DOCK1: variants seen among roughly 807,000 people sequenced by gnomAD.
DOCK1 encodes the protein dedicator of cytokinesis protein 1.
A neutral mutation model predicts 262.7 loss-of-function variants in DOCK1; 138 were observed. The observed-to-expected ratio is 0.53, with a 90% confidence interval of 0.46 to 0.61. The LOEUF (loss-of-function observed/expected upper bound fraction) is 0.61, where lower values mean the gene tolerates loss of function less well. Among genes scored for constraint, DOCK1 ranks in the 20% least tolerant of loss-of-function variants. The pLI is 0.00. For synonymous variants in DOCK1, 866 were observed against 867.4 expected (o/e 1.00, Z 0.03); for missense variants, 1,908 against 2,370.7 (o/e 0.80, Z 4.05).
rs561088265 is a variant in DOCK1 at position 127,012,763 on chromosome 10, T to G, written c.1201+389T>G. 2.4e-4 allele frequency among the ~76,000 whole-genome samples: 36 copies of G among 152,044 alleles called. No individual in the cohort carries two copies. The highest frequency in any genetic ancestry group is 4.6e-4 in the Non-Finnish European group (31 of 67,942). ...GACTTGCTCCCCTGAGTTCTGTCAT[T>G]TAAGTGATTTCTCCGCCCCTACACT... is the stretch of plus-strand genomic sequence containing the variant. On this transcript the variant is annotated intron_variant, in intron 12 of 51. Transcript: ENST00000623213. This position sits in a 1 kb window ranked among gnomAD's most constrained non-coding sequence, Gnocchi z 4.0.
chr10:127,064,257 G>A (rs961823178), intron 23 of DOCK1, among the ~76,000 whole-genome samples: 1 of 152,104 alleles, frequency 6.6e-6, no homozygotes, highest in Admixed American at 6.5e-5. Flanking sequence ...ACAGGCACCC[G>A]CCAGCATGCC....
intron 26 of DOCK1, among the ~76,000 whole-genome samples, chr10:127,127,388 A>G (rs369368855): frequency 1.2e-4 from 18 of 152,346 alleles, no homozygotes; most frequent in African/African-American, 4.1e-4. Flanking sequence ...GGGATCATAA[A>G]CATTATATTG....
At chr10:127,185,111 T>G (rs2056107009) in intron 27 of DOCK1, among the ~76,000 whole-genome samples, 1 of 152,212 alleles carries the variant, frequency 6.6e-6, no homozygotes, top group African/African-American at 2.4e-5. Context: ...GCCTGAAGGA[T>G]GCTCACTTTG....
chr10:127,435,431 C>T (rs986707682), intron 48 of DOCK1, among the ~76,000 whole-genome samples: 1 of 152,118 alleles, frequency 6.6e-6, no homozygotes, highest in Non-Finnish European at 1.5e-5. Context: ...TGCAAACTAT[C>T]CCCATATTTT....
rs146804585 is a variant in DOCK1, at chr10:127,446,348, G to A, written c.5414-1046G>A. Among the ~76,000 whole-genome samples the A allele has an allele frequency of 1.0e-3, 153 of 152,174 alleles. 2 individuals carry two copies. The highest frequency in any genetic ancestry group is 3.6e-3 in the African/African-American group (148 of 41,508). On this transcript the variant is annotated intron_variant, in intron 50 of 51. Coordinates refer to ENST00000623213, the MANE Select transcript of DOCK1 (RefSeq NM_001290223.2). The surrounding 1 kb of genome is among the most constrained non-coding windows in gnomAD (Gnocchi z 4.4). The stretch of plus-strand genomic sequence containing the variant: ...TACTGTTTAATGGGTACAGAATTCC[G>A]TTTGGGGTGATGGAAATGTTTCAGA...
intron 44 of DOCK1, among the ~76,000 whole-genome samples, chr10:127,416,550 A>T (rs1035233550): frequency 6.6e-6 from 1 of 152,152 alleles, no homozygotes; most frequent in Non-Finnish European, 1.5e-5. Context: ...GCCATTTTGA[A>T]CAGACTAAGA....
At chr10:127,358,587 T>C (rs1409738780) in intron 32 of DOCK1, among the ~76,000 whole-genome samples, 3 of 152,186 alleles carry the variant, frequency 2.0e-5, no homozygotes, top group Admixed American at 6.5e-5. Flanking sequence ...ACGAATGTGC[T>C]TGGAGCAAGA....
At position 127,207,464 on chromosome 10, in the gene DOCK1, A is replaced by G. The variant is rs141388268; in HGVS notation, c.2848-40544A>G. ...TTGGCCTTGTTTAACTTGTACCTGA[A>G]TGTACCAATAACACTTTTGGAAGAC... On this transcript the variant is annotated intron_variant, in intron 27 of 51. Transcript: ENST00000623213. Among the ~76,000 whole-genome samples, 1,503 of 152,316 alleles carry G rather than the reference A, an allele frequency of 9.9e-3. 18 individuals are homozygous for G. Among genetic ancestry groups the G allele is most frequent in the African/African-American group, 0.025 (1,041 of 41,562 alleles).
chr10:127,280,347 A>G (rs1256102912), intron 29 of DOCK1, among the ~76,000 whole-genome samples: 6 of 152,006 alleles, frequency 3.9e-5, no homozygotes, highest in South Asian at 2.1e-4. Context: ...ATATATTTTT[A>G]TGTTGTAAAA....
At chr10:127,003,909 G>C (rs2135198855) in intron 10 of DOCK1, among the ~76,000 whole-genome samples, 1 of 150,686 alleles carries the variant, frequency 6.6e-6, no homozygotes, top group Middle Eastern at 3.6e-3. Flanking sequence ...AGCTAAGATT[G>C]TGTCACTGCG....
chr10:127,051,310 A>G (rs187705436), intron 21 of DOCK1, among the ~76,000 whole-genome samples: 1 of 152,084 alleles, frequency 6.6e-6, no homozygotes. Flanking sequence ...TAAAATCTTC[A>G]TGTGTCCACT....
chr10:127,422,842 G>A (rs987959039), intron 46 of DOCK1, among the ~76,000 whole-genome samples: 51 of 152,258 alleles, frequency 3.3e-4, no homozygotes, highest in African/African-American at 1.2e-3. Context: ...AGTTTGGTCT[G>A]CAAAAGTTCT....
chr10:126,934,397 A>T (rs2034404311), intron 1 of DOCK1, among the ~76,000 whole-genome samples: 1 of 152,214 alleles, frequency 6.6e-6, no homozygotes, highest in African/African-American at 2.4e-5. Context: ...CCCCGACACC[A>T]CTGGGGCTCT....
chr10:127,226,822 A>G (rs977305431), intron 27 of DOCK1, among the ~76,000 whole-genome samples: 4 of 152,078 alleles, frequency 2.6e-5, no homozygotes, highest in Admixed American at 6.5e-5. Context: ...TGATTACACA[A>G]TACTTCTACC....
chr10:127,339,805 C>T (rs1455279075), intron 30 of DOCK1, among the ~76,000 whole-genome samples: 1 of 148,762 alleles, frequency 6.7e-6, no homozygotes, highest in African/African-American at 2.5e-5. Flanking sequence ...GCTCTCACTT[C>T]CATTGTACTC....
chr10:127,430,866 C>T (rs1010835047), intron 47 of DOCK1, among the ~76,000 whole-genome samples: 7 of 152,152 alleles, frequency 4.6e-5, no homozygotes, highest in Non-Finnish European at 8.8e-5. Flanking sequence ...CGTTACAGCT[C>T]AGCCGGGAGA....
intron 13 of DOCK1, among the ~76,000 whole-genome samples, chr10:127,020,836 C>A (rs932929509): frequency 2.0e-5 from 3 of 152,094 alleles, no homozygotes; most frequent in African/African-American, 7.2e-5. Context: ...TGTGTATCAC[C>A]CGGTTTTGTC....
intron 1 of DOCK1, among the ~76,000 whole-genome samples, chr10:126,960,314 G>A (rs2037096224): frequency 6.6e-6 from 1 of 152,016 alleles, no homozygotes; most frequent in South Asian, 2.1e-4. Context: ...ATGTGGTATT[G>A]TAGTGGGGGC....
Position 127,409,074 on chromosome 10 carries a change from G to T in DOCK1, c.4160G>T (p.Arg1387Leu). The T allele has an allele frequency of 1.3e-6, 2 of 1,595,532 alleles. No homozygotes were observed. The highest frequency in any genetic ancestry group is 1.7e-6 in the Non-Finnish European group (2 of 1,170,056). ...ATTTACCGAGGGAAAGAGTATGAGC[G>T]CCGGGAAGATTTTGAGGCTCGGCTC... ...VFIYRGKEYE[R>L]REDFEARLLT... Residue 1387 changes from arginine (R) to leucine (L), a missense_variant, in exon 41 of 52, where the codon CGC (arginine) becomes CTC (leucine). By Grantham distance (102) the Arg-to-Leu change is moderately radical. Around this residue, in one of 9 missense-constraint regions of DOCK1, gnomAD observed 267 missense variants for 366.3 expected, o/e 0.73. Transcript: ENST00000623213.
Sources: gnomAD v4.1 joint callset for allele counts (sites outside exome capture counted in the v4.1 genomes callset) on GRCh38, gnomAD v4.1.1 for gene constraint, gnomAD v4.1.1 regional missense constraint, Gnocchi (gnomAD v3.1) non-coding constraint, MANE v1.5 for transcripts, NCBI Gene and HGNC (gene_info 2026-07-23, HGNC 2026-07-21) for gene names.